The following ARHGAP15 variants were observed in gnomAD, a reference collection of about 807,000 sequenced individuals.
ARHGAP15 encodes rho GTPase-activating protein 15.
ARHGAP15 carries 51 observed loss-of-function variants against 63.7 expected under a neutral mutation model. The ratio of observed to expected loss-of-function variants is 0.80; its 90% CI spans 0.64 to 1.01. The LOEUF is 1.01. ARHGAP15 is among the 50% of genes least tolerant of loss of function. The probability of loss-of-function intolerance (pLI) is 0.00; values close to 1 mark genes in which losing one functional copy is unlikely to be tolerated. For synonymous variants in ARHGAP15, 191 were observed against 193.8 expected (o/e 0.99, Z 0.12); for missense variants, 560 against 564.6 (o/e 0.99, Z 0.08).
intron 12 of ARHGAP15, among the ~76,000 whole-genome samples, chr2:143,626,645 C>T (rs1032333606): frequency 8.5e-5 from 13 of 152,068 alleles, no homozygotes; most frequent in African/African-American, 2.9e-4. Context: ...ATCAGAATGC[C>T]CTTTTTTCAA....
chr2:143,346,748 G>T (rs2105302367), intron 6 of ARHGAP15, among the ~76,000 whole-genome samples: 1 of 152,222 alleles, frequency 6.6e-6, no homozygotes, highest in East Asian at 1.9e-4. Flanking sequence ...AATTTGAGAG[G>T]TGTTGAAAAT....
intron 11 of ARHGAP15, among the ~76,000 whole-genome samples, chr2:143,580,876 A>C (rs1696874487): frequency 6.6e-6 from 1 of 152,170 alleles, no homozygotes; most frequent in South Asian, 2.1e-4. Flanking sequence ...CAAGCTGTGC[A>C]AGAAAGTGCC....
At chr2:143,633,543 C>T (rs1680156183) in intron 12 of ARHGAP15, among the ~76,000 whole-genome samples, 3 of 152,062 alleles carry the variant, frequency 2.0e-5, no homozygotes, top group African/African-American at 7.2e-5. Context: ...ATTTTACTTG[C>T]ACTCCTTTCT....
At chr2:143,235,746 G>C (rs1693617720) in intron 5 of ARHGAP15, among the ~76,000 whole-genome samples, 1 of 152,206 alleles carries the variant, frequency 6.6e-6, no homozygotes. Flanking sequence ...ACCCACACTA[G>C]TGTTTGTTTC....
intron 6 of ARHGAP15, among the ~76,000 whole-genome samples, chr2:143,279,535 A>C (rs1458440802): frequency 6.6e-6 from 1 of 152,184 alleles, no homozygotes; most frequent in Non-Finnish European, 1.5e-5. Flanking sequence ...AGACAAATTG[A>C]TAGTAAAATC....
intron 9 of ARHGAP15, among the ~76,000 whole-genome samples, chr2:143,500,607 T>C (rs1211749996): frequency 6.6e-6 from 1 of 152,158 alleles, no homozygotes; most frequent in African/African-American, 2.4e-5. Flanking sequence ...TGGTCAATGT[T>C]TACAAGAAAA....
chr2:143,230,698 A>C (rs973525206), intron 5 of ARHGAP15, among the ~76,000 whole-genome samples: 1 of 152,216 alleles, frequency 6.6e-6, no homozygotes, highest in African/African-American at 2.4e-5. Context: ...TTTCTAACCC[A>C]GTATTAAAGG....
At chr2:143,693,079 G>A (rs530757329) in intron 12 of ARHGAP15, among the ~76,000 whole-genome samples, 2 of 152,148 alleles carry the variant, frequency 1.3e-5, no homozygotes, top group Admixed American at 6.5e-5. Context: ...CCAGACTCGG[G>A]AATCTGGTTT....
At chr2:143,709,939 C>T (rs919819250) in intron 13 of ARHGAP15, among the ~76,000 whole-genome samples, 11 of 152,230 alleles carry the variant, frequency 7.2e-5, no homozygotes, top group South Asian at 6.2e-4. Flanking sequence ...ATGCTGGTGA[C>T]GCTCTCTGCC....
At chr2:143,618,233 C>G (rs1010432165) in intron 11 of ARHGAP15, among the ~76,000 whole-genome samples, 14 of 152,206 alleles carry the variant, frequency 9.2e-5, no homozygotes, top group African/African-American at 3.4e-4. Flanking sequence ...CCTTTAAATA[C>G]TAAACTAAAA....
chr2:143,233,160 TACATTTGCCTA>T (rs1487795524), intron 5 of ARHGAP15, among the ~76,000 whole-genome samples: 3 of 152,190 alleles, frequency 2.0e-5, no homozygotes, highest in Non-Finnish European at 4.4e-5. Flanking sequence ...AATGTTTGTT[TACATTTGCCTA>T]ATATTTGCCA....
intron 2 of ARHGAP15, among the ~76,000 whole-genome samples, chr2:143,172,493 C>T (rs1690828942): frequency 6.6e-6 from 1 of 152,110 alleles, no homozygotes; most frequent in Non-Finnish European, 1.5e-5. Flanking sequence ...CCTGTCCATC[C>T]TATTCTCTAT....
intron 9 of ARHGAP15, among the ~76,000 whole-genome samples, chr2:143,494,173 TTC>T (rs754364517): frequency 1.3e-5 from 2 of 152,198 alleles, no homozygotes; most frequent in Non-Finnish European, 2.9e-5. Context: ...CCCACCTGTT[TTC>T]TCTGTTTCCT....
chr2:143,702,785 C>T (rs1312350881), intron 12 of ARHGAP15, among the ~76,000 whole-genome samples: 1 of 152,136 alleles, frequency 6.6e-6, no homozygotes, highest in African/African-American at 2.4e-5. Context: ...CCTCTCTTTT[C>T]TGCTCCCGTT....
intron 12 of ARHGAP15, among the ~76,000 whole-genome samples, chr2:143,663,653 G>C (rs1419681367): frequency 6.6e-6 from 1 of 152,092 alleles, no homozygotes; most frequent in Non-Finnish European, 1.5e-5. Flanking sequence ...CCATCAGTGT[G>C]CTGTATTCAG....
At chr2:143,557,581 A>T (rs1695860683) in intron 11 of ARHGAP15, among the ~76,000 whole-genome samples, 1 of 152,110 alleles carries the variant, frequency 6.6e-6, no homozygotes, top group African/African-American at 2.4e-5. Context: ...CAAAACCCAT[A>T]AAATGCAACA....
intron 8 of ARHGAP15, among the ~76,000 whole-genome samples, chr2:143,481,352 A>G (rs1408186106): frequency 6.6e-6 from 1 of 152,068 alleles, no homozygotes; most frequent in Non-Finnish European, 1.5e-5. Context: ...TAATGACTCC[A>G]CTTTCCTTTA....
chr2:143,521,140 G>A (rs941204748), intron 10 of ARHGAP15, among the ~76,000 whole-genome samples: 3 of 152,108 alleles, frequency 2.0e-5, no homozygotes, highest in Non-Finnish European at 2.9e-5. Flanking sequence ...CACTAAACAG[G>A]CGCTAATCAC....
intron 12 of ARHGAP15, among the ~76,000 whole-genome samples, chr2:143,694,933 C>A (rs1683776666): frequency 6.6e-6 from 1 of 152,008 alleles, no homozygotes; most frequent in Non-Finnish European, 1.5e-5. Context: ...TAGTTGTTTT[C>A]AAGTGAGTTT....
Sources: gnomAD v4.1 joint callset for allele counts (sites outside exome capture counted in the v4.1 genomes callset) on GRCh38, gnomAD v4.1.1 for gene constraint, MANE v1.5 for transcripts, NCBI Gene and HGNC (gene_info 2026-07-23, HGNC 2026-07-21) for gene names.